The following RNGTT variants were observed in gnomAD, a reference collection of about 807,000 sequenced individuals.
RNGTT encodes mRNA-capping enzyme.
RNGTT carries 33 observed loss-of-function variants against 79.3 expected under a neutral mutation model. That is an observed-to-expected ratio of 0.42 (90% CI 0.32 to 0.56). The LOEUF (loss-of-function observed/expected upper bound fraction) is 0.56. RNGTT is among the 20% of genes least tolerant of loss of function. RNGTT has a pLI of 0.17. For missense variants in RNGTT, 497 were observed against 739.1 expected, an observed-to-expected ratio of 0.67 and a Z score of 3.80; for synonymous variants, 222 against 235.9, an observed-to-expected ratio of 0.94 and a Z score of 0.54.
At chr6:88,736,026 A>T (rs1388220346) in intron 13 of RNGTT, among the ~76,000 whole-genome samples, 1 of 152,132 alleles carries the variant, frequency 6.6e-6, no homozygotes, top group Non-Finnish European at 1.5e-5. Context: ...GGATATTAAA[A>T]GGATAATAAA....
At chr6:88,652,173 T>G (rs1773821137) in intron 14 of RNGTT, among the ~76,000 whole-genome samples, 1 of 152,166 alleles carries the variant, frequency 6.6e-6, no homozygotes, top group African/African-American at 2.4e-5. Context: ...GTAAAAATAA[T>G]TTAAATATAC....
chr6:88,703,305 T>C (rs553484626), intron 13 of RNGTT, among the ~76,000 whole-genome samples: 1 of 152,270 alleles, frequency 6.6e-6, no homozygotes, highest in East Asian at 1.9e-4. Flanking sequence ...AACCTAGGTG[T>C]CCATCAATGG....
chr6:88,776,028 C>T (rs1202733226), intron 12 of RNGTT, among the ~76,000 whole-genome samples: 2 of 152,086 alleles, frequency 1.3e-5, no homozygotes, highest in Non-Finnish European at 2.9e-5. Flanking sequence ...CTATGAGGTA[C>T]TAATTTCATT....
At chr6:88,846,776 G>T (rs1228110974) in intron 10 of RNGTT, among the ~76,000 whole-genome samples, 1 of 149,864 alleles carries the variant, frequency 6.7e-6, no homozygotes, top group Admixed American at 6.7e-5. Context: ...AAAAAAAAAT[G>T]TATGCTAACA....
chr6:88,962,423 C>T (rs549696714), intron 1 of RNGTT, among the ~76,000 whole-genome samples: 28 of 152,040 alleles, frequency 1.8e-4, no homozygotes, highest in Non-Finnish European at 2.6e-4. Context: ...CTTGAGTCCA[C>T]GAGTTCAAGA....
At chr6:88,717,666 C>T (rs958424283) in intron 13 of RNGTT, among the ~76,000 whole-genome samples, 6 of 152,074 alleles carry the variant, frequency 3.9e-5, no homozygotes, top group Non-Finnish European at 7.4e-5. Flanking sequence ...AACGCAAAAA[C>T]GCCAATGGAG....
intron 8 of RNGTT, among the ~76,000 whole-genome samples, chr6:88,880,829 G>A (rs920724491): frequency 6.6e-6 from 1 of 152,094 alleles, no homozygotes; most frequent in Non-Finnish European, 1.5e-5. Flanking sequence ...TTCAATTGAT[G>A]TTGAATTATT....
chr6:88,926,017 A>G (rs1784308367), intron 4 of RNGTT, among the ~76,000 whole-genome samples: 1 of 152,246 alleles, frequency 6.6e-6, no homozygotes, highest in Non-Finnish European at 1.5e-5. Flanking sequence ...GAGCACTCCT[A>G]AAAGAAAAAT....
At chr6:88,863,412 CG>C (rs1426799567) in intron 8 of RNGTT, among the ~76,000 whole-genome samples, 1 of 151,966 alleles carries the variant, frequency 6.6e-6, no homozygotes, top group African/African-American at 2.4e-5. Context: ...ATAGAAAAGT[CG>C]ACAGTCAAAA....
intron 4 of RNGTT, among the ~76,000 whole-genome samples, chr6:88,928,072 G>A (rs1297844835): frequency 1.3e-5 from 2 of 149,912 alleles, no homozygotes; most frequent in African/African-American, 4.9e-5. Context: ...AATAGCTGGG[G>A]GTAGTGGTGT....
intron 13 of RNGTT, among the ~76,000 whole-genome samples, chr6:88,755,364 A>T (rs1291428090): frequency 6.6e-6 from 1 of 152,136 alleles, no homozygotes; most frequent in Non-Finnish European, 1.5e-5. Flanking sequence ...ATTTAGATCC[A>T]AACAATTTAG....
At chr6:88,922,622 G>T (rs1052914412) in intron 4 of RNGTT, among the ~76,000 whole-genome samples, 71 of 151,842 alleles carry the variant, frequency 4.7e-4, no homozygotes, top group African/African-American at 1.6e-3. Context: ...CCACCTCCCG[G>T]GTTCATGCTA....
At chr6:88,847,059 T>TA (rs1264380674) in intron 10 of RNGTT, among the ~76,000 whole-genome samples, 1 of 152,178 alleles carries the variant, frequency 6.6e-6, no homozygotes, top group African/African-American at 2.4e-5. Flanking sequence ...ACAAATACAT[T>TA]AAAAAATGCC....
At chr6:88,712,094 T>A (rs1776338306) in intron 13 of RNGTT, among the ~76,000 whole-genome samples, 1 of 152,058 alleles carries the variant, frequency 6.6e-6, no homozygotes, top group Non-Finnish European at 1.5e-5. Context: ...CAGAAAGGGG[T>A]CACATGTTGA....
At chr6:88,831,953 T>C (rs1043989707) in intron 11 of RNGTT, among the ~76,000 whole-genome samples, 1 of 152,160 alleles carries the variant, frequency 6.6e-6, no homozygotes, top group Non-Finnish European at 1.5e-5. Context: ...CACAAACAAA[T>C]GGGAAAATAT....
At chr6:88,824,950 C>T (rs968266341) in intron 11 of RNGTT, among the ~76,000 whole-genome samples, 4 of 151,886 alleles carry the variant, frequency 2.6e-5, no homozygotes, top group Non-Finnish European at 5.9e-5. Context: ...ACCACGTTGG[C>T]CAGGCTGGTC....
chr6:88,726,088 C>A (rs1031169224), intron 13 of RNGTT, among the ~76,000 whole-genome samples: 3 of 151,994 alleles, frequency 2.0e-5, no homozygotes, highest in Admixed American at 1.3e-4. Flanking sequence ...TATCCTATTC[C>A]TTTAAAAGCC....
At chr6:88,693,548 TA>T (rs35792075) in intron 13 of RNGTT, among the ~76,000 whole-genome samples, 39,959 of 151,746 alleles carry the variant, frequency 0.26, 9,136 homozygotes, top group African/African-American at 0.62. Flanking sequence ...AAAGAACTAA[TA>T]ATACCACCAA....
intron 8 of RNGTT, among the ~76,000 whole-genome samples, chr6:88,889,677 G>A (rs1782979623): frequency 6.6e-6 from 1 of 152,012 alleles, no homozygotes; most frequent in African/African-American, 2.4e-5. Context: ...TAGCAAAACT[G>A]TAATAGATGC....
Sources: allele counts gnomAD v4.1 joint callset (sites outside exome capture counted in the v4.1 genomes callset), GRCh38; gene constraint gnomAD v4.1.1; transcripts MANE v1.5; gene names NCBI Gene and HGNC (gene_info 2026-07-23, HGNC 2026-07-21).